Variants in SMIM3 observed in about 807,000 individuals in gnomAD.
SMIM3 encodes small integral membrane protein 3.
SMIM3 carries 4 observed loss-of-function variants against 2.1 expected under a neutral mutation model. That is an observed-to-expected ratio of 1.89 (90% confidence interval 0.93 to 4.31). The LOEUF (loss-of-function observed/expected upper bound fraction) is 4.31. Ranked by LOEUF, SMIM3 falls within the 30% of genes most tolerant of loss-of-function variation. The pLI is 0.01. For missense variants in SMIM3, 79 were observed against 77.7 expected (o/e 1.02, Z -0.06); for synonymous variants, 29 against 30.8 (o/e 0.94, Z 0.19).
chr5:150,787,384 C>CG (rs1442476493), intron 1 of SMIM3, among the ~76,000 whole-genome samples: 3 of 152,186 alleles, frequency 2.0e-5, no homozygotes, highest in African/African-American at 7.2e-5. Context: ...TTACCAGAAT[C>CG]GGAAGTCCTG....
intron 1 of SMIM3, among the ~76,000 whole-genome samples, chr5:150,785,087 T>C (rs1369259016): frequency 9.2e-6 from 1 of 108,536 alleles, no homozygotes; most frequent in Non-Finnish European, 1.7e-5. Flanking sequence ...AAATGTCTTT[T>C]TTTTTTTTTT....
intron 1 of SMIM3, among the ~76,000 whole-genome samples, chr5:150,795,081 C>G (rs1232423364): frequency 6.6e-6 from 1 of 152,112 alleles, no homozygotes; most frequent in Non-Finnish European, 1.5e-5. Context: ...TTCATGTTCT[C>G]GGTCAAATTA....
chr5:150,779,696 C>T (rs1459847553), intron 1 of SMIM3, among the ~76,000 whole-genome samples: 3 of 152,146 alleles, frequency 2.0e-5, no homozygotes, highest in African/African-American at 7.2e-5. Context: ...CCTAGTCTCC[C>T]CCATGCCAGT....
At chr5:150,791,630 C>T (rs1179046576) in intron 1 of SMIM3, among the ~76,000 whole-genome samples, 7 of 152,100 alleles carry the variant, frequency 4.6e-5, no homozygotes, top group Admixed American at 2.0e-4. Context: ...GAGTATATGC[C>T]ACATTATCTC....
chr5:150,779,438 C>T lies in SMIM3; in HGVS notation c.-12+466C>T, dbSNP rs72806000. 5.2e-4 allele frequency among the ~76,000 whole-genome samples: 79 copies of T among 152,280 alleles called. 1 individual carries two copies. The highest frequency in any genetic ancestry group is 1.2e-3 in the Admixed American group (18 of 15,292). ...ACCTGTCCCGCTTTTCTCGAGGCCC[C>T]GTGTAGAAGGCGCCAGGAGTTTGGA... On this transcript the variant is annotated intron_variant, in intron 1 of 1. Coordinates refer to ENST00000526627, the MANE Select transcript of SMIM3 (RefSeq NM_032947.5).
intron 1 of SMIM3, among the ~76,000 whole-genome samples, chr5:150,783,863 A>G (rs1310955048): frequency 6.6e-6 from 1 of 150,964 alleles, no homozygotes; most frequent in African/African-American, 2.4e-5. Context: ...GGCCCAGATC[A>G]GTCACGAAGC....
At chr5:150,792,985 A>G (rs1414506621) in intron 1 of SMIM3, among the ~76,000 whole-genome samples, 1 of 152,174 alleles carries the variant, frequency 6.6e-6, no homozygotes, top group Non-Finnish European at 1.5e-5. Flanking sequence ...ATATTCCATT[A>G]GTAACTAGTT....
chr5:150,779,925 T>C (rs1202213956), intron 1 of SMIM3, among the ~76,000 whole-genome samples: 1 of 150,662 alleles, frequency 6.6e-6, no homozygotes, highest in Non-Finnish European at 1.5e-5. Context: ...CTGCACTTGT[T>C]TCTTCTGGAC....
At chr5:150,784,222 G>A (rs76403032) in intron 1 of SMIM3, among the ~76,000 whole-genome samples, 2,397 of 152,232 alleles carry the variant, frequency 0.016, 31 homozygotes, top group Admixed American at 0.024. Context: ...TGTACCAGAC[G>A]TTGTCCTAAG....
chr5:150,795,700 G>A lies in SMIM3; in HGVS notation c.*77G>A. 1 of 1,465,332 alleles carries A rather than the reference G, an allele frequency of 6.8e-7. No individual in the cohort carries two copies. Among genetic ancestry groups the A allele is most frequent in the East Asian group, 2.5e-5 (1 of 40,530 alleles). The allele number at this position is 1,465,332 out of a possible 1,614,324, so 90.8% of individuals were successfully genotyped here. A position where few individuals can be genotyped will look rare whatever the true frequency, so the allele number is the denominator to read the frequency against. ...GCCTCTTCCTGTCTTCAGAAAAGCA[G>A]CAGGAGGGACTTTGGGGCATGGACC... is the stretch of plus-strand genomic sequence containing the variant. On this transcript the variant is annotated 3_prime_UTR_variant, in exon 2 of 2. Transcript: ENST00000526627.
In SMIM3 at chr5:150,795,588, A is replaced by G; in HGVS notation, c.148A>G (p.Met50Val). 6.3e-7 allele frequency: 1 copy of G among 1,575,708 alleles called. No homozygotes were observed. ...CPATAVIIYR[M>V]RTHPILSGAV ...AGCCACTGCAGTAATCATCTATCGC[A>G]TGCGGACTCATCCGATCCTTAGTGG... The change falls in exon 2 of 2, where the codon ATG becomes GTG. Residue 50 changes from methionine (M) to valine (V), a missense_variant. Transcript: ENST00000526627.
rs1561721812 is a variant in SMIM3, at chr5:150,778,765, G to C, written c.-219G>C. 1 of 456,620 alleles carries C rather than the reference G, an allele frequency of 2.2e-6. No homozygotes were observed. 28.3% of individuals were successfully genotyped at this position (456,620 alleles called of 1,614,324 possible). A position where few individuals can be genotyped will look rare whatever the true frequency, so the allele number is the denominator to read the frequency against. Reference sequence around the variant, plus strand: ...CGGTCCCCAGCAGCCGCGCATTCCAGAGCCAGCAGCGCGTCCTGGCCGCTC... The same window carrying C: ...CGGTCCCCAGCAGCCGCGCATTCCACAGCCAGCAGCGCGTCCTGGCCGCTC... On this transcript the variant is annotated 5_prime_UTR_variant, in exon 1 of 2. Transcript: ENST00000526627.
chr5:150,785,377 G>A lies in SMIM3; in HGVS notation c.-12+6405G>A, dbSNP rs111748517. ...GCTGGGATTACAGGTGTGAGCCACCGCACCTAGCCTGAAAATGTCTTATTG... is the reference window on the plus strand; with the variant it reads ...GCTGGGATTACAGGTGTGAGCCACCACACCTAGCCTGAAAATGTCTTATTG... On this transcript the variant is annotated intron_variant, in intron 1 of 1. Transcript: ENST00000526627. Among the ~76,000 whole-genome samples the A allele has an allele frequency of 1.4e-4, 21 of 151,706 alleles. 1 individual carries two copies. Among genetic ancestry groups the A allele is most frequent in the Admixed American group, 1.1e-3 (16 of 15,224 alleles).
chr5:150,795,845 C>G lies in SMIM3; in HGVS notation c.*222C>G. ...GGATGGTGATCCCTGCCCTTTCTAC[C>G]TCATAGGGATGTGAGAACCACCTGA... is the stretch of plus-strand genomic sequence containing the variant. On this transcript the variant is annotated 3_prime_UTR_variant, in exon 2 of 2. Transcript: ENST00000526627. The G allele has an allele frequency of 1.7e-6, 1 of 572,918 alleles. No homozygotes were observed. Among genetic ancestry groups the G allele is most frequent in the Non-Finnish European group, 3.1e-6 (1 of 322,468 alleles). The allele number at this position is 572,918 out of a possible 1,614,324, so 35.5% of individuals were successfully genotyped here. A position where few individuals can be genotyped will look rare whatever the true frequency, so the allele number is the denominator to read the frequency against.
At chr5:150,786,806 T>C (rs1753298233) in intron 1 of SMIM3, among the ~76,000 whole-genome samples, 1 of 152,186 alleles carries the variant, frequency 6.6e-6, no homozygotes, top group Non-Finnish European at 1.5e-5. Flanking sequence ...CCTGTCTTTT[T>C]GCATTCTTGA....
intron 1 of SMIM3, among the ~76,000 whole-genome samples, chr5:150,780,370 A>G (rs914243413): frequency 6.6e-5 from 10 of 152,144 alleles, no homozygotes; most frequent in Non-Finnish European, 7.4e-5. Context: ...TTAGGACATC[A>G]TGTGCTTCTG....
intron 1 of SMIM3, among the ~76,000 whole-genome samples, chr5:150,794,442 A>G (rs186019458): frequency 2.5e-4 from 38 of 152,348 alleles, no homozygotes; most frequent in African/African-American, 8.7e-4. Context: ...CAACAAGTGG[A>G]TAAAGAAACT....
At position 150,796,311 on chromosome 5, in the gene SMIM3, A is replaced by G. The variant is rs1244264713; in HGVS notation, c.*688A>G. The G allele has an allele frequency of 2.0e-5, 3 of 152,726 alleles. No homozygotes were observed. The highest frequency in any genetic ancestry group is 4.4e-5 in the Non-Finnish European group (3 of 68,064). 9.5% of individuals were successfully genotyped at this position (152,726 alleles called of 1,614,324 possible). A position where few individuals can be genotyped will look rare whatever the true frequency, so the allele number is the denominator to read the frequency against. ...ATCTGTTAGCTTTGACACTCAAGCA[A>G]TGTTGGAAAATGCAGGGTGACTGAG... On this transcript the variant is annotated 3_prime_UTR_variant, in exon 2 of 2. Transcript: ENST00000526627.
At chr5:150,791,789 T>C (rs1581623014) in intron 1 of SMIM3, among the ~76,000 whole-genome samples, 1 of 152,288 alleles carries the variant, frequency 6.6e-6, no homozygotes, top group African/African-American at 2.4e-5. Flanking sequence ...ATTACTGAGA[T>C]CATATAGTGA....
Sources: allele counts gnomAD v4.1 joint callset (sites outside exome capture counted in the v4.1 genomes callset), GRCh38; gene constraint gnomAD v4.1.1; transcripts MANE v1.5; gene names NCBI Gene and HGNC (gene_info 2026-07-23, HGNC 2026-07-21).